The following VGLL2 variants were observed in gnomAD, a reference collection of about 807,000 sequenced individuals.
The protein encoded by VGLL2 is vestigial like family member 2.
VGLL2 carries 18 observed loss-of-function variants against 27.0 expected under a neutral mutation model. The ratio of observed to expected loss-of-function variants is 0.67; its 90% confidence interval spans 0.46 to 0.99. The LOEUF (loss-of-function observed/expected upper bound fraction) is 0.99, where lower values mean the gene tolerates loss of function less well. VGLL2 is among the 50% of genes least tolerant of loss of function. VGLL2 has a pLI of 0.00. For missense variants in VGLL2, 491 were observed against 452.3 expected (o/e 1.09, Z -0.78); for synonymous variants, 220 against 201.1 (o/e 1.09, Z -0.80).
At position 117,265,611 on chromosome 6, in the gene VGLL2, G is replaced by A. The variant is rs1279724241; in HGVS notation, c.-153G>A. ...AAAATCGCAGGAGTGGGAGGGTAGC[G>A]AGCCAGCTGGATTCCGAGCCGCGGA... is the stretch of plus-strand genomic sequence containing the variant. On this transcript the variant is annotated 5_prime_UTR_variant, in exon 1 of 4. Transcript: ENST00000326274. The A allele has an allele frequency of 7.5e-6, 5 of 666,332 alleles. No homozygotes were observed. Among genetic ancestry groups the A allele is most frequent in the African/African-American group, 1.8e-5 (1 of 55,984 alleles). The allele number at this position is 666,332 out of a possible 1,614,324, so 41.3% of individuals were successfully genotyped here.
chr6:117,268,508 G>A lies in VGLL2; in HGVS notation c.391+17G>A. The A allele has an allele frequency of 6.3e-7, 1 of 1,578,212 alleles. No homozygotes were observed. Among genetic ancestry groups the A allele is most frequent in the African/African-American group, 1.4e-5 (1 of 73,564 alleles). ...CCTGGCGAGGTGAGTATAGGGCCCT[G>A]CTGGGAAGGACCCATAGGGGGTCCT... On this transcript the variant is annotated intron_variant, in intron 2 of 3. Coordinates refer to ENST00000326274, the MANE Select transcript of VGLL2 (RefSeq NM_182645.3).
chr6:117,270,690 C>T lies in VGLL2; in HGVS notation c.539C>T (p.Ala180Val), dbSNP rs1773168775. ...PFAAADPYSP[A>V]ALHGHLHQGA... is the part of the protein sequence containing the mutation. ...GCCGCCGCCGACCCCTACTCGCCCGCCGCGCTGCATGGCCACCTGCACCAG... is the reference window on the plus strand; with the variant it reads ...GCCGCCGCCGACCCCTACTCGCCCGTCGCGCTGCATGGCCACCTGCACCAG... Residue 180 changes from alanine (A) to valine (V), a missense_variant, in exon 3 of 4, where the codon GCC becomes GTC. Physicochemically the swap from Ala to Val is moderately conservative, Grantham distance 64. Coordinates refer to ENST00000326274, the MANE Select transcript of VGLL2 (RefSeq NM_182645.3). 1 of 1,541,846 alleles carries T rather than the reference C, an allele frequency of 6.5e-7. No homozygotes were observed. Among genetic ancestry groups the T allele is most frequent in the African/African-American group, 1.4e-5 (1 of 71,018 alleles).
chr6:117,271,103 C>G (rs1225326381), intron 3 of VGLL2, 39 bp downstream of exon 3: 2 of 1,205,348 alleles, frequency 1.7e-6, no homozygotes, highest in South Asian at 4.2e-5. Context: ...CGGAGCCGCT[C>G]GGCCCCGTAC....
intron 3 of VGLL2, among the ~76,000 whole-genome samples, chr6:117,271,711 A>C (rs1250801152): frequency 1.3e-5 from 2 of 152,176 alleles, no homozygotes; most frequent in African/African-American, 2.4e-5. Flanking sequence ...GTACAATTTA[A>C]AATCTTCTGT....
intron 1 of VGLL2, among the ~76,000 whole-genome samples, chr6:117,267,217 G>A (rs1406972423): frequency 2.6e-5 from 4 of 152,024 alleles, no homozygotes; most frequent in African/African-American, 7.3e-5. Context: ...TGTATGACTC[G>A]GGCCGCCTCT....
rs190709848 is a variant in VGLL2, at chr6:117,272,985, G to A, written c.*491G>A. ...CCTCTCAGCCTCCAGATCCCTTCCT[G>A]CCCATCCCTTCCCTACAATGCCCAC... On this transcript the variant is annotated 3_prime_UTR_variant, in exon 4 of 4. Coordinates refer to ENST00000326274, the MANE Select transcript of VGLL2 (RefSeq NM_182645.3). The A allele has an allele frequency of 1.3e-5, 2 of 156,780 alleles. No individual in the cohort carries two copies. The highest frequency in any genetic ancestry group is 3.8e-4 in the East Asian group (2 of 5,252). The allele number at this position is 156,780 out of a possible 1,614,324, so 9.7% of individuals were successfully genotyped here. A position where few individuals can be genotyped will look rare whatever the true frequency, so the allele number is the denominator to read the frequency against.
chr6:117,265,992 C>T (rs555160950), intron 1 of VGLL2, 148 bp downstream of exon 1: 297 of 717,880 alleles, frequency 4.1e-4, no homozygotes, highest in Admixed American at 8.2e-4. Flanking sequence ...TTGCCGGAGC[C>T]GCCCCCAGTT....
At chr6:117,266,895 TTTG>T (rs1307620491) in intron 1 of VGLL2, among the ~76,000 whole-genome samples, 3 of 152,220 alleles carry the variant, frequency 2.0e-5, no homozygotes, top group African/African-American at 7.2e-5. Flanking sequence ...GGGTTCACTT[TTTG>T]TTTTCTTACC....
chr6:117,270,126 G>A (rs911538160), intron 2 of VGLL2, among the ~76,000 whole-genome samples: 9 of 152,088 alleles, frequency 5.9e-5, no homozygotes, highest in Non-Finnish European at 1.3e-4. Context: ...TTAGCTTGGG[G>A]AGAGGTTAAG....
chr6:117,271,163 A>G (rs575732252), intron 3 of VGLL2, 99 bp downstream of exon 3: 1 of 1,054,248 alleles, frequency 9.5e-7, no homozygotes, highest in South Asian at 4.9e-5. Context: ...GAGACCTTGA[A>G]TTCTGTGGCC....
In VGLL2 at chr6:117,265,830, A is replaced by ACCCCCTAC. The variant is rs769481245; in HGVS notation, c.69_76dup (p.His26ProfsTer7). 6.2e-7 allele frequency: 1 copy of ACCCCCTAC among 1,613,902 alleles called. No individual in the cohort carries two copies. Among genetic ancestry groups the ACCCCCTAC allele is most frequent in the East Asian group, 2.2e-5 (1 of 44,840 alleles). On this transcript the variant is annotated frameshift_variant, in exon 1 of 4. Coordinates refer to ENST00000326274, the MANE Select transcript of VGLL2 (RefSeq NM_182645.3). ...GCAGCCCTACTTCGCAGCCGCCTAC[A>ACCCCCTAC]CCCCCTACCACCAGGTACGTGTCTC...
Position 117,270,925 on chromosome 6 carries a change from G to A in VGLL2, c.774G>A (p.Pro258=), listed in dbSNP as rs566192000. 8.0e-6 allele frequency: 10 copies of A among 1,243,328 alleles called. No individual in the cohort carries two copies. The highest frequency in any genetic ancestry group is 4.3e-5 in the Admixed American group (1 of 23,222). 77.0% of individuals were successfully genotyped at this position (1,243,328 alleles called of 1,614,324 possible). Residue 258 remains proline (P), a synonymous_variant, in exon 3 of 4, where the codon CCG becomes CCA. Transcript: ENST00000326274. Reference sequence around the variant, plus strand: ...GCCCGGCCCGCCTCGCAACCGCCCCGGCGCCCGCGCCCGGCAGTCCTCCCT... The same window carrying A: ...GCCCGGCCCGCCTCGCAACCGCCCCAGCGCCCGCGCCCGGCAGTCCTCCCT... The part of the protein sequence containing the change: ...SGRPARLATA[P]APAPGSPPCE...
At chr6:117,271,871 G>C (rs890819594) in intron 3 of VGLL2, among the ~76,000 whole-genome samples, 1 of 152,146 alleles carries the variant, frequency 6.6e-6, no homozygotes, top group African/African-American at 2.4e-5. Flanking sequence ...TTGGCTTAAA[G>C]TATTTGCAAC....
intron 2 of VGLL2, among the ~76,000 whole-genome samples, chr6:117,268,855 G>A (rs1043974037): frequency 6.6e-6 from 1 of 152,076 alleles, no homozygotes; most frequent in Admixed American, 6.5e-5. Flanking sequence ...ACTCCAACAA[G>A]AAAATGGATG....
chr6:117,266,033 G>A (rs1582496185), intron 1 of VGLL2, among the ~76,000 whole-genome samples, 189 bp downstream of exon 1: 3 of 152,366 alleles, frequency 2.0e-5, no homozygotes, highest in African/African-American at 7.2e-5. Flanking sequence ...CCTTTAGCTC[G>A]CCTGTTTGCT....
Position 117,272,689 on chromosome 6 carries a change from C to T in VGLL2, c.*195C>T. 2 of 718,828 alleles carry T rather than the reference C, an allele frequency of 2.8e-6. No individual in the cohort carries two copies. The highest frequency in any genetic ancestry group is 4.4e-6 in the Non-Finnish European group (2 of 450,910). 44.5% of individuals were successfully genotyped at this position (718,828 alleles called of 1,614,324 possible). On this transcript the variant is annotated 3_prime_UTR_variant, in exon 4 of 4. Transcript: ENST00000326274. ...AGTCCTGCTGCTGAAAGAGCAAATC[C>T]AAAGACTGAGTTATGTTTAATGACT...
rs906400794 is a variant in VGLL2, at chr6:117,270,848, C to G, written c.697C>G (p.Pro233Ala). The G allele has an allele frequency of 7.1e-6, 10 of 1,415,800 alleles. No individual in the cohort carries two copies. The African/African-American group carries it at 1.5e-4, about 21-fold the overall frequency. 87.7% of individuals were successfully genotyped at this position (1,415,800 alleles called of 1,614,324 possible). A position where few individuals can be genotyped will look rare whatever the true frequency, so the allele number is the denominator to read the frequency against. ...CGCCGCCGTGCACGAAGTCTACGCG[C>G]CGCACTTCGACCCGCGCTATGGGCC... ...RPAAVHEVYA[P>A]HFDPRYGPLL... Residue 233 changes from proline (P) to alanine (A), a missense_variant, in exon 3 of 4, where the codon CCG (proline) becomes GCG (alanine). Pro to Ala is a conservative substitution (Grantham distance 27). Transcript: ENST00000326274.
In VGLL2 at chr6:117,265,654, C is replaced by T; in HGVS notation, c.-110C>T. On this transcript the variant is annotated 5_prime_UTR_variant, in exon 1 of 4. Transcript: ENST00000326274. Reference sequence around the variant, plus strand: ...GCCGCGGAGCGCGCTGGCTTTGCTCCGCCTGATGACTCCAGAGCGCGGGTC... The same window carrying T: ...GCCGCGGAGCGCGCTGGCTTTGCTCTGCCTGATGACTCCAGAGCGCGGGTC... 2.2e-6 allele frequency: 2 copies of T among 893,878 alleles called. No individual in the cohort carries two copies. The highest frequency in any genetic ancestry group is 1.5e-5 in the South Asian group (1 of 68,460). 55.4% of individuals were successfully genotyped at this position (893,878 alleles called of 1,614,324 possible).
rs1204585820 is a variant in VGLL2, at chr6:117,270,781, G to A, written c.630G>A (p.Leu210=). Residue 210 remains leucine, a synonymous_variant, in exon 3 of 4, where the codon CTG becomes CTA. Coordinates refer to ENST00000326274, the MANE Select transcript of VGLL2 (RefSeq NM_182645.3). Reference sequence around the variant, plus strand: ...CGCACCCGCATCACCCCTACGCCCTGGGCGGCGCCCTCGGCGCCCAGGCCG... The same window carrying A: ...CGCACCCGCATCACCCCTACGCCCTAGGCGGCGCCCTCGGCGCCCAGGCCG... ...HHAHPHHPYA[L]GGALGAQAAP... is the part of the protein sequence containing the mutation. 6.9e-7 allele frequency: 1 copy of A among 1,452,710 alleles called. No individual in the cohort carries two copies. The highest frequency in any genetic ancestry group is 9.0e-7 in the Non-Finnish European group (1 of 1,108,830). 90.0% of individuals were successfully genotyped at this position (1,452,710 alleles called of 1,614,324 possible). A position where few individuals can be genotyped will look rare whatever the true frequency, so the allele number is the denominator to read the frequency against.
Sources: allele counts gnomAD v4.1 joint callset (sites outside exome capture counted in the v4.1 genomes callset), GRCh38; gene constraint gnomAD v4.1.1; transcripts MANE v1.5; gene names NCBI Gene and HGNC (gene_info 2026-07-23, HGNC 2026-07-21).